LRRC4C: variants seen among roughly 807,000 people sequenced by gnomAD.
LRRC4C encodes the protein leucine rich repeat containing 4C, also known as leucine-rich repeat-containing protein 4C.
A neutral mutation model predicts 33.6 loss-of-function variants in LRRC4C; 5 were observed. That is an observed-to-expected ratio of 0.15 (90% CI 0.08 to 0.31). LRRC4C has a LOEUF of 0.31. Among genes scored for constraint, LRRC4C ranks in the 10% least tolerant of loss-of-function variants. The pLI is 1.00. For synonymous variants in LRRC4C, 329 were observed against 302.0 expected, an observed-to-expected ratio of 1.09 and a Z score of -0.93; for missense variants, 560 against 796.7, an observed-to-expected ratio of 0.70 and a Z score of 3.58.
At chr11:41,141,546 C>T (rs1333535340) in intron 1 of LRRC4C, among the ~76,000 whole-genome samples, 2 of 152,148 alleles carry the variant, frequency 1.3e-5, no homozygotes, top group African/African-American at 4.8e-5. Flanking sequence ...TAATAACCCC[C>T]ATGAGTCAAG....
chr11:40,117,396 C>T (rs980633944), intron 6 of LRRC4C, among the ~76,000 whole-genome samples: 3 of 152,124 alleles, frequency 2.0e-5, no homozygotes, highest in African/African-American at 4.8e-5. Flanking sequence ...TATAAGCAGA[C>T]ATATCACATG....
intron 3 of LRRC4C, among the ~76,000 whole-genome samples, chr11:40,414,711 G>A (rs1200126103): frequency 1.3e-5 from 2 of 152,032 alleles, no homozygotes; most frequent in Admixed American, 6.6e-5. Context: ...CTTGATTCAT[G>A]TGAAACTCTA....
chr11:41,253,706 A>G (rs542645374), intron 1 of LRRC4C, among the ~76,000 whole-genome samples: 1 of 152,256 alleles, frequency 6.6e-6, no homozygotes, highest in Admixed American at 6.5e-5. Flanking sequence ...GACCTCTTTC[A>G]GCTGTAATAT....
At chr11:40,203,289 C>T (rs1053582229) in intron 5 of LRRC4C, among the ~76,000 whole-genome samples, 1 of 152,124 alleles carries the variant, frequency 6.6e-6, no homozygotes. Context: ...TAAAGAACCA[C>T]AACATTTAAT....
chr11:40,845,391 C>G (rs367821983), intron 2 of LRRC4C, among the ~76,000 whole-genome samples: 1 of 151,932 alleles, frequency 6.6e-6, no homozygotes, highest in Non-Finnish European at 1.5e-5. Context: ...CACTTATGAG[C>G]GAGAACCTGA....
intron 3 of LRRC4C, among the ~76,000 whole-genome samples, chr11:40,582,289 T>G (rs1231234240): frequency 6.6e-6 from 1 of 152,176 alleles, no homozygotes; most frequent in Non-Finnish European, 1.5e-5. Context: ...TCCAGATTTA[T>G]CAGTGCATTG....
intron 5 of LRRC4C, among the ~76,000 whole-genome samples, chr11:40,240,594 TG>T (rs1260957296): frequency 1.3e-5 from 2 of 152,180 alleles, no homozygotes; most frequent in Non-Finnish European, 2.9e-5. Context: ...CATTACATAA[TG>T]GATTTGCTGT....
intron 3 of LRRC4C, among the ~76,000 whole-genome samples, chr11:40,439,636 CAG>C (rs1951301200): frequency 6.6e-6 from 1 of 151,570 alleles, no homozygotes; most frequent in Non-Finnish European, 1.5e-5. Flanking sequence ...GTATTTTTAG[CAG>C]AGACGGGGTT....
chr11:40,347,639 G>C (rs949265789), intron 3 of LRRC4C, among the ~76,000 whole-genome samples: 1 of 152,022 alleles, frequency 6.6e-6, no homozygotes, highest in African/African-American at 2.4e-5. Flanking sequence ...ACGGAGTTTC[G>C]CTCTTGTTGC....
chr11:40,169,697 G>A lies in LRRC4C; in HGVS notation c.-95-28844C>T, dbSNP rs1168564143. On this transcript the variant is annotated intron_variant, in intron 5 of 6. Transcript: ENST00000528697. ...CCATTTTCATTGTAAAGGGTTGTAA[G>A]CTATGATCTATTCTAGATCTTACTC... 2.0e-5 allele frequency among the ~76,000 whole-genome samples: 3 copies of A among 152,088 alleles called. No homozygotes were observed. The East Asian group carries it at 5.8e-4, about 29-fold the overall frequency.
chr11:40,962,773 T>G (rs1851063007), intron 1 of LRRC4C, among the ~76,000 whole-genome samples: 1 of 151,702 alleles, frequency 6.6e-6, no homozygotes, highest in Admixed American at 6.6e-5. Flanking sequence ...TCAGCTGAAT[T>G]TTTAAAAGTT....
intron 2 of LRRC4C, among the ~76,000 whole-genome samples, chr11:40,763,028 C>T (rs899620152): frequency 2.5e-5 from 2 of 79,244 alleles, no homozygotes; most frequent in African/African-American, 4.2e-5. Context: ...ATATTATGGC[C>T]ATTTAAAAAT....
At chr11:41,246,103 A>G (rs1375442947) in intron 1 of LRRC4C, among the ~76,000 whole-genome samples, 1 of 152,088 alleles carries the variant, frequency 6.6e-6, no homozygotes, top group Non-Finnish European at 1.5e-5. Flanking sequence ...TACCCCCTGG[A>G]GCCTGTCACC....
chr11:40,519,140 G>T (rs1420747287), intron 3 of LRRC4C, among the ~76,000 whole-genome samples: 1 of 152,034 alleles, frequency 6.6e-6, no homozygotes, highest in Non-Finnish European at 1.5e-5. Flanking sequence ...ATCTAATGTA[G>T]GTGATGGGTT....
At chr11:41,034,588 T>C (rs1004314715) in intron 1 of LRRC4C, among the ~76,000 whole-genome samples, 1 of 120,294 alleles carries the variant, frequency 8.3e-6, no homozygotes, top group Non-Finnish European at 1.7e-5. Context: ...TTGTTGTTTT[T>C]CTAAAAAAAT....
intron 4 of LRRC4C, among the ~76,000 whole-genome samples, chr11:40,291,344 C>T (rs915021213): frequency 5.3e-5 from 8 of 152,114 alleles, no homozygotes; most frequent in African/African-American, 1.9e-4. Flanking sequence ...TATTAGTGCT[C>T]AACACAACCT....
intron 1 of LRRC4C, among the ~76,000 whole-genome samples, chr11:41,277,793 C>T (rs1387754034): frequency 6.6e-6 from 1 of 151,772 alleles, no homozygotes; most frequent in African/African-American, 2.4e-5. Context: ...TTTCAAGTTC[C>T]GTGAGTAACT....
chr11:40,739,116 T>C (rs1331870719), intron 2 of LRRC4C, among the ~76,000 whole-genome samples: 1 of 151,578 alleles, frequency 6.6e-6, no homozygotes, highest in Non-Finnish European at 1.5e-5. Flanking sequence ...TATTATATGT[T>C]CCTATATTAA....
rs34440360 is a variant in LRRC4C, at chr11:40,726,883, G to A, written c.-406-78605C>T. On this transcript the variant is annotated intron_variant, in intron 2 of 6. Transcript: ENST00000528697. ...TAAAAACTCTGCCAAAAGGCTCCTCGGCCTGATAAATAACTTAGATAGGGT... is the reference window on the plus strand; with the variant it reads ...TAAAAACTCTGCCAAAAGGCTCCTCAGCCTGATAAATAACTTAGATAGGGT... Among the ~76,000 whole-genome samples the A allele has an allele frequency of 7.3e-3, 1,104 of 151,790 alleles. 12 individuals are homozygous for A. The highest frequency in any genetic ancestry group is 0.024 in the Middle Eastern group (7 of 292).
Sources: allele counts gnomAD v4.1 joint callset (sites outside exome capture counted in the v4.1 genomes callset), GRCh38; gene constraint gnomAD v4.1.1; transcripts MANE v1.5; gene names NCBI Gene and HGNC (gene_info 2026-07-23, HGNC 2026-07-21).